The following MED13L variants were observed in gnomAD, a reference collection of about 807,000 sequenced individuals.
MED13L encodes mediator complex subunit 13L, also known as mediator of RNA polymerase II transcription subunit 13-like.
Under a neutral mutation model 220.9 loss-of-function variants are expected in MED13L, and 7 were observed. The ratio of observed to expected loss-of-function variants is 0.03; its 90% confidence interval spans 0.02 to 0.06. MED13L has a LOEUF of 0.06. Among genes scored for constraint, MED13L ranks in the 10% least tolerant of loss-of-function variants. The pLI is 1.00. For missense variants in MED13L, 1,965 were observed against 2,760.5 expected (o/e 0.71, Z 6.46); for synonymous variants, 1,011 against 1,015.2 (o/e 1.00, Z 0.08).
intron 2 of MED13L, among the ~76,000 whole-genome samples, chr12:116,167,811 G>A (rs1879391655): frequency 6.6e-6 from 1 of 151,862 alleles, no homozygotes; most frequent in Admixed American, 6.6e-5. Flanking sequence ...GACATGTATT[G>A]ATCATGCTAA....
At position 116,265,741 on chromosome 12, in the gene MED13L, T is replaced by C. The variant is rs148232990; in HGVS notation, c.72+11319A>G. 3.3e-3 allele frequency among the ~76,000 whole-genome samples: 503 copies of C among 152,306 alleles called. 3 individuals are homozygous for C. Among genetic ancestry groups the C allele is most frequent in the Admixed American group, 5.3e-3 (81 of 15,298 alleles). On this transcript the variant is annotated intron_variant, in intron 1 of 30. Transcript: ENST00000281928. ...ATAAAAATTCAATTTCAATAAGTCTTTGTACTGTTTTTTAAAAGAAAGCCA... is the reference window on the plus strand; with the variant it reads ...ATAAAAATTCAATTTCAATAAGTCTCTGTACTGTTTTTTAAAAGAAAGCCA...
At chr12:116,164,080 A>G (rs1879073521) in intron 2 of MED13L, among the ~76,000 whole-genome samples, 1 of 152,252 alleles carries the variant, frequency 6.6e-6, no homozygotes, top group Admixed American at 6.5e-5. Flanking sequence ...ACATACTTAA[A>G]AAGAAACAGG....
chr12:116,103,329 T>C (rs1379578537), intron 3 of MED13L, among the ~76,000 whole-genome samples: 1 of 152,202 alleles, frequency 6.6e-6, no homozygotes, highest in African/African-American at 2.4e-5. Context: ...CAGAGCTCAC[T>C]ACAGCCTCAA....
intron 1 of MED13L, among the ~76,000 whole-genome samples, chr12:116,260,231 T>C (rs1872406227): frequency 6.6e-6 from 1 of 152,188 alleles, no homozygotes; most frequent in Non-Finnish European, 1.5e-5. Flanking sequence ...ATACGAAGGC[T>C]GAATTAATTT....
At chr12:116,096,793 A>G (rs373957976) in intron 3 of MED13L, 41 bp from the exon 4 acceptor site, 99 of 1,475,070 alleles carry the variant, frequency 6.7e-5, no homozygotes, top group Non-Finnish European at 5.6e-5. Flanking sequence ...TAGTATCAGT[A>G]ACAAATTAGT....
Position 116,153,431 on chromosome 12 carries a change from C to T in MED13L, c.311-41919G>A, listed in dbSNP as rs1878203562. On this transcript the variant is annotated intron_variant, in intron 2 of 30. Transcript: ENST00000281928. The stretch of plus-strand genomic sequence containing the variant: ...ATAGCTACCACAAGTCTCTATCCCA[C>T]CACCACAAATAATTGCAGAGAAGGG... Among the ~76,000 whole-genome samples the T allele has an allele frequency of 1.3e-5, 2 of 152,170 alleles. 1 individual carries two copies. The highest frequency in any genetic ancestry group is 4.1e-4 in the South Asian group (2 of 4,834).
chr12:116,095,394 C>A (rs1399121818), intron 4 of MED13L, among the ~76,000 whole-genome samples: 1 of 152,142 alleles, frequency 6.6e-6, no homozygotes, highest in Admixed American at 6.5e-5. Context: ...ACAAAGAAAA[C>A]TTCCGGTCCC....
chr12:115,998,838 T>C (rs991074913), intron 14 of MED13L, among the ~76,000 whole-genome samples: 1 of 152,132 alleles, frequency 6.6e-6, no homozygotes, highest in Non-Finnish European at 1.5e-5. Flanking sequence ...TTATTTTCTA[T>C]AATAGGAATC....
intron 2 of MED13L, among the ~76,000 whole-genome samples, chr12:116,211,326 T>TA (rs1423068624): frequency 6.6e-6 from 1 of 152,072 alleles, no homozygotes; most frequent in Non-Finnish European, 1.5e-5. Flanking sequence ...TTAATTAACT[T>TA]AAACAGCCAC....
intron 2 of MED13L, among the ~76,000 whole-genome samples, chr12:116,153,070 A>G (rs898952836): frequency 6.6e-6 from 1 of 152,174 alleles, no homozygotes; most frequent in Non-Finnish European, 1.5e-5. Flanking sequence ...TCTGCATCCA[A>G]TGACAGTAAT....
intron 16 of MED13L, among the ~76,000 whole-genome samples, chr12:115,994,282 C>T (rs1032149939): frequency 1.3e-5 from 2 of 152,036 alleles, no homozygotes; most frequent in African/African-American, 4.8e-5. Context: ...ACAAACTCTA[C>T]AACAAAATTT....
chr12:116,162,558 C>A (rs1056596296), intron 2 of MED13L, among the ~76,000 whole-genome samples: 1 of 152,142 alleles, frequency 6.6e-6, no homozygotes, highest in Non-Finnish European at 1.5e-5. Flanking sequence ...ATCTTTCAGG[C>A]CCAAAGACAT....
intron 14 of MED13L, among the ~76,000 whole-genome samples, chr12:115,997,892 A>G (rs1390385257): frequency 1.3e-5 from 2 of 152,248 alleles, no homozygotes; most frequent in Non-Finnish European, 2.9e-5. Flanking sequence ...TACCACTACT[A>G]AAGTTCTATC....
At chr12:116,096,186 T>C (rs1261828945) in intron 4 of MED13L, among the ~76,000 whole-genome samples, 4 of 151,236 alleles carry the variant, frequency 2.6e-5, no homozygotes, top group African/African-American at 9.7e-5. Context: ...AAATCCCATC[T>C]CTACCAAAAA....
intron 23 of MED13L, among the ~76,000 whole-genome samples, chr12:115,979,111 C>T (rs978784269): frequency 2.6e-5 from 4 of 152,176 alleles, no homozygotes; most frequent in South Asian, 4.1e-4. Flanking sequence ...CTAACCATTA[C>T]CTTAATGCAG....
At position 116,119,500 on chromosome 12, in the gene MED13L, CTGA is replaced by C. The variant is rs1874811389; in HGVS notation, c.311-7991_311-7989del. Among the ~76,000 whole-genome samples the C allele has an allele frequency of 2.0e-5, 3 of 152,166 alleles. No individual in the cohort carries two copies. In the South Asian group the frequency reaches 6.2e-4, roughly 32 times the overall value. On this transcript the variant is annotated intron_variant, in intron 2 of 30. Transcript: ENST00000281928. ...TTTTCTTAGTTTGAAGCTAAGAACT[CTGA>C]TGAATACAGTTGATTCTAATCTCCA...
intron 2 of MED13L, among the ~76,000 whole-genome samples, chr12:116,235,221 G>T (rs1369007732): frequency 1.3e-5 from 2 of 152,018 alleles, no homozygotes; most frequent in African/African-American, 2.4e-5. Context: ...TACAAAAATG[G>T]ACACTTCATA....
intron 11 of MED13L, among the ~76,000 whole-genome samples, 184 bp from the exon 12 acceptor site, chr12:116,006,595 A>G (rs1045631959): frequency 6.6e-6 from 1 of 152,228 alleles, no homozygotes; most frequent in Non-Finnish European, 1.5e-5. Context: ...CAACAGAACC[A>G]TGAGCTCCCC....
chr12:116,172,616 G>A (rs1879762892), intron 2 of MED13L, among the ~76,000 whole-genome samples: 1 of 152,146 alleles, frequency 6.6e-6, no homozygotes. Flanking sequence ...AGTGAAAAGT[G>A]TTGAAGGCAA....
Sources: allele counts gnomAD v4.1 joint callset (sites outside exome capture counted in the v4.1 genomes callset), GRCh38; gene constraint gnomAD v4.1.1; transcripts MANE v1.5; gene names NCBI Gene and HGNC (gene_info 2026-07-23, HGNC 2026-07-21).